FOXP2: variants seen among roughly 807,000 people sequenced by gnomAD.
FOXP2 encodes the protein forkhead box protein P2.
A neutral mutation model predicts 115.8 loss-of-function variants in FOXP2; 12 were observed. The observed-to-expected ratio is 0.10, with a 90% CI of 0.07 to 0.17. The LOEUF is 0.17. FOXP2 is among the 10% of genes least tolerant of loss of function. The pLI is 1.00. For synonymous variants in FOXP2, 328 were observed against 297.7 expected (o/e 1.10, Z -1.05); for missense variants, 629 against 843.5 (o/e 0.75, Z 3.15).
intron 1 of FOXP2, among the ~76,000 whole-genome samples, chr7:114,259,436 C>G (rs1215455328): frequency 6.6e-6 from 1 of 152,140 alleles, no homozygotes; most frequent in South Asian, 2.1e-4. Flanking sequence ...TAGAGTGATT[C>G]TTTGACTAGA....
Position 114,292,540 on chromosome 7 carries a change from CT to C in FOXP2, c.-11+4434del, listed in dbSNP as rs1354465781. ...TATACCTTTAACTACATGTTTTACGCTTTCTTGCCTACATCTTTGTCAATGT... is the reference window on the plus strand; with the variant it reads ...TATACCTTTAACTACATGTTTTACGCTTCTTGCCTACATCTTTGTCAATGT... On this transcript the variant is annotated intron_variant, in intron 2 of 17. Transcript: ENST00000634411. 3.3e-5 allele frequency among the ~76,000 whole-genome samples: 5 copies of C among 152,278 alleles called. 1 individual carries two copies. In the Middle Eastern group the frequency reaches 0.01, roughly 311 times the overall value.
In FOXP2 at chr7:114,379,038, A is replaced by G. The variant is rs371641138; in HGVS notation, c.-10-47464A>G. Among the ~76,000 whole-genome samples, 689 of 152,138 alleles carry G rather than the reference A, an allele frequency of 4.5e-3. 2 individuals carry two copies. Among genetic ancestry groups the G allele is most frequent in the South Asian group, 0.015 (74 of 4,816 alleles). On this transcript the variant is annotated intron_variant, in intron 2 of 17. Transcript: ENST00000634411. ...ATAGGAGGTAAAATGACTCTCTTCTATGTCTCCCTGTTATAGGCTTCTTAT... is the reference window on the plus strand; with the variant it reads ...ATAGGAGGTAAAATGACTCTCTTCTGTGTCTCCCTGTTATAGGCTTCTTAT...
chr7:114,184,998 G>A (rs761150702), intron 1 of FOXP2, among the ~76,000 whole-genome samples: 1 of 152,020 alleles, frequency 6.6e-6, no homozygotes, highest in Non-Finnish European at 1.5e-5. Context: ...ATGATTCACT[G>A]CCTTCATTAC....
intron 2 of FOXP2, among the ~76,000 whole-genome samples, chr7:114,479,501 A>C (rs1422477620): frequency 6.6e-6 from 1 of 151,096 alleles, no homozygotes; most frequent in African/African-American, 2.4e-5. Flanking sequence ...ATGGAGAACT[A>C]AATGAGAAGG....
chr7:114,122,690 T>C (rs1791598251), intron 1 of FOXP2, among the ~76,000 whole-genome samples: 1 of 152,080 alleles, frequency 6.6e-6, no homozygotes, highest in African/African-American at 2.4e-5. Flanking sequence ...GGCTGAAATG[T>C]TTACACTGCA....
chr7:114,289,474 G>T (rs1163810059), intron 2 of FOXP2, among the ~76,000 whole-genome samples: 1 of 151,728 alleles, frequency 6.6e-6, no homozygotes, highest in Non-Finnish European at 1.5e-5. Flanking sequence ...ATAGATAATG[G>T]TTATACCAAT....
rs1795082210 is a variant in FOXP2, at chr7:114,451,740, G to C, written c.168+25061G>C. On this transcript the variant is annotated intron_variant, in intron 2 of 16. Transcript: ENST00000350908. ...AAAAGTAAATAGTAAGTAATTACAAGTTGTAATAAGTGCTCTACAGAAAAA... is the reference window on the plus strand; with the variant it reads ...AAAAGTAAATAGTAAGTAATTACAACTTGTAATAAGTGCTCTACAGAAAAA... 3.3e-5 allele frequency among the ~76,000 whole-genome samples: 5 copies of C among 152,104 alleles called. No homozygotes were observed. The South Asian group carries it at 8.3e-4, about 25-fold the overall frequency.
intron 1 of FOXP2, among the ~76,000 whole-genome samples, chr7:114,253,322 G>T (rs1309520290): frequency 1.3e-5 from 2 of 152,082 alleles, no homozygotes; most frequent in Non-Finnish European, 2.9e-5. Flanking sequence ...TTGGTGCAGA[G>T]CTGAGTTCAA....
At chr7:114,630,855 G>T (rs1174540509) in intron 5 of FOXP2, among the ~76,000 whole-genome samples, 1 of 152,106 alleles carries the variant, frequency 6.6e-6, no homozygotes, top group East Asian at 1.9e-4. Context: ...AACTAAAAAG[G>T]AAAGGTCTTC....
chr7:114,263,398 CTTTTCCT>C (rs1795811921), intron 1 of FOXP2, among the ~76,000 whole-genome samples: 1 of 144,558 alleles, frequency 6.9e-6, no homozygotes, highest in African/African-American at 2.6e-5. Context: ...CTTCCTTTTC[CTTTTCCT>C]TTTTCCTTTT....
chr7:114,522,162 G>A (rs1249545451), intron 2 of FOXP2, among the ~76,000 whole-genome samples: 1 of 152,120 alleles, frequency 6.6e-6, no homozygotes, highest in Admixed American at 6.6e-5. Context: ...GTTAGGTGAG[G>A]TAGGTTCTTC....
chr7:114,422,876 G>A (rs572886500), intron 1 of FOXP2, among the ~76,000 whole-genome samples: 1 of 151,768 alleles, frequency 6.6e-6, no homozygotes, highest in South Asian at 2.1e-4. Flanking sequence ...AACAAGTCTA[G>A]CATTCAGTAC....
At chr7:114,134,586 G>A (rs1162558112) in intron 1 of FOXP2, among the ~76,000 whole-genome samples, 1 of 150,414 alleles carries the variant, frequency 6.6e-6, no homozygotes, top group Non-Finnish European at 1.5e-5. Context: ...AGTGGCGGGC[G>A]CCTGTAGTCC....
At chr7:114,606,588 C>T (rs1017240481) in intron 3 of FOXP2, among the ~76,000 whole-genome samples, 12 of 152,124 alleles carry the variant, frequency 7.9e-5, no homozygotes, top group Non-Finnish European at 1.8e-4. Context: ...TCCTTTTGCC[C>T]TCTCCTCATT....
At chr7:114,161,296 C>T (rs936645788), upstream of FOXP2, among the ~76,000 whole-genome samples, 6 of 152,070 alleles carry the variant, frequency 3.9e-5, no homozygotes, top group African/African-American at 1.4e-4. Context: ...CTTTAATCTT[C>T]AGTAATGAAG....
At chr7:114,491,076 G>A (rs1243779005) in intron 2 of FOXP2, among the ~76,000 whole-genome samples, 12 of 152,204 alleles carry the variant, frequency 7.9e-5, no homozygotes, top group African/African-American at 2.2e-4. Flanking sequence ...CTGAGGAATC[G>A]CCACACTGAC....
intron 2 of FOXP2, among the ~76,000 whole-genome samples, chr7:114,491,856 A>G (rs1214295803): frequency 1.3e-5 from 2 of 152,094 alleles, no homozygotes; most frequent in African/African-American, 4.8e-5. Flanking sequence ...CATCAGGGAT[A>G]TTGGTCTAAA....
At chr7:114,457,116 C>A (rs2129222451) in intron 2 of FOXP2, among the ~76,000 whole-genome samples, 1 of 151,938 alleles carries the variant, frequency 6.6e-6, no homozygotes, top group Admixed American at 6.6e-5. Flanking sequence ...GTTATAATAC[C>A]CACCATATAC....
intron 1 of FOXP2, among the ~76,000 whole-genome samples, chr7:114,212,830 G>T (rs992952788): frequency 1.3e-5 from 2 of 152,152 alleles, no homozygotes; most frequent in African/African-American, 2.4e-5. Flanking sequence ...CGGGAGACTG[G>T]AAAACATTTG....
Sources: gnomAD v4.1 joint callset for allele counts (sites outside exome capture counted in the v4.1 genomes callset) on GRCh38, gnomAD v4.1.1 for gene constraint, MANE v1.5 for transcripts, NCBI Gene and HGNC (gene_info 2026-07-23, HGNC 2026-07-21) for gene names.